Variants in PCSK5 observed in about 807,000 individuals in gnomAD.
The protein encoded by PCSK5 is proprotein convertase subtilisin/kexin type 5.
PCSK5 carries 129 observed loss-of-function variants against 233.2 expected under a neutral mutation model. The ratio of observed to expected loss-of-function variants is 0.55; its 90% CI spans 0.48 to 0.64. The LOEUF is 0.64. Ranked by LOEUF, PCSK5 falls within the 30% of genes least tolerant of loss-of-function variation. The pLI is 0.00. For synonymous variants in PCSK5, 825 were observed against 879.2 expected, an observed-to-expected ratio of 0.94 and a Z score of 1.09; for missense variants, 2,076 against 2,430.1, an observed-to-expected ratio of 0.85 and a Z score of 3.06.
chr9:75,903,611 T>TTTA (rs1564071396), intron 1 of PCSK5, among the ~76,000 whole-genome samples: 8 of 139,826 alleles, frequency 5.7e-5, no homozygotes, highest in Non-Finnish European at 1.2e-4. Context: ...TATATATATA[T>TTTA]TATATATATA....
chr9:75,928,592 AATACATATATATATATATATATATATAT>A (rs1040650733), intron 1 of PCSK5, among the ~76,000 whole-genome samples: 1,147 of 75,292 alleles, frequency 0.015, 33 homozygotes, highest in African/African-American at 0.049. Flanking sequence ...TTTACATATA[AATACATATATATATATATATATATATAT>A]ATATATATAT....
chr9:76,322,109 C>T (rs551481744), intron 31 of PCSK5, among the ~76,000 whole-genome samples: 4 of 152,132 alleles, frequency 2.6e-5, no homozygotes, highest in South Asian at 2.1e-4. Context: ...TCCACCACGC[C>T]GGGCTAATTT....
Position 76,315,106 on chromosome 9 carries a change from C to T in PCSK5, c.3884+4255C>T, listed in dbSNP as rs1416880818. ...TATCTGGGATTACATGCATCCATCA[C>T]CACGCCCAGCTAATTTTTTGTATTT... On this transcript the variant is annotated intron_variant, in intron 30 of 37. Coordinates refer to ENST00000674117, the MANE Select transcript of PCSK5 (RefSeq NM_001372043.1). Among the ~76,000 whole-genome samples, 8 of 152,104 alleles carry T rather than the reference C, an allele frequency of 5.3e-5. No individual in the cohort carries two copies. In the South Asian group the frequency reaches 1.2e-3, roughly 24 times the overall value.
chr9:75,890,572 C>G (rs1468655362), upstream of PCSK5: 2 of 152,136 alleles, frequency 1.3e-5, no homozygotes, highest in African/African-American at 2.4e-5. Flanking sequence ...CGGCCGCTTT[C>G]AAGAGGGCGG....
intron 10 of PCSK5, 91 bp downstream of exon 10, chr9:76,134,303 G>C: frequency 1.4e-6 from 1 of 710,628 alleles, no homozygotes; most frequent in Non-Finnish European, 2.3e-6. Context: ...CCCCTCAAAC[G>C]AAACTTTAAA....
At chr9:75,936,956 G>A (rs114661292) in intron 2 of PCSK5, among the ~76,000 whole-genome samples, 185 of 145,456 alleles carry the variant, frequency 1.3e-3, no homozygotes, top group African/African-American at 4.5e-3. Flanking sequence ...TGTCGTGTTA[G>A]CAGGCATGAG....
chr9:76,190,953 T>TAACA (rs534701061), intron 20 of PCSK5, among the ~76,000 whole-genome samples: 79 of 152,320 alleles, frequency 5.2e-4, no homozygotes, highest in African/African-American at 1.8e-3. Flanking sequence ...CAATTCTCCC[T>TAACA]AACAATTTAG....
At chr9:75,927,005 C>T (rs946529490) in intron 1 of PCSK5, among the ~76,000 whole-genome samples, 1 of 152,036 alleles carries the variant, frequency 6.6e-6, no homozygotes, top group Admixed American at 6.6e-5. Flanking sequence ...ATGCCTAGAT[C>T]GTGAGGAGAG....
chr9:76,008,935 A>C (rs1411897254), intron 3 of PCSK5, among the ~76,000 whole-genome samples: 3 of 152,238 alleles, frequency 2.0e-5, no homozygotes, highest in Non-Finnish European at 4.4e-5. Context: ...ATAAGCAATG[A>C]ATAACTTTTT....
intron 5 of PCSK5, among the ~76,000 whole-genome samples, chr9:76,036,021 C>T (rs1295899281): frequency 6.6e-6 from 1 of 151,424 alleles, no homozygotes; most frequent in Non-Finnish European, 1.5e-5. Flanking sequence ...GAAGAGCATG[C>T]TGAAAAAAAT....
At chr9:76,208,781 AT>A (rs1564109207) in intron 20 of PCSK5, among the ~76,000 whole-genome samples, 3 of 152,190 alleles carry the variant, frequency 2.0e-5, no homozygotes, top group African/African-American at 4.8e-5. Flanking sequence ...CTCATGCGGT[AT>A]TTTTTTTCCA....
chr9:76,049,349 G>A (rs1337425813), intron 5 of PCSK5, among the ~76,000 whole-genome samples: 1 of 152,164 alleles, frequency 6.6e-6, no homozygotes, highest in Non-Finnish European at 1.5e-5. Flanking sequence ...TTGAAGGGAA[G>A]CATTCTTTAA....
chr9:75,963,846 T>G (rs1489699155), intron 2 of PCSK5, among the ~76,000 whole-genome samples: 1 of 152,148 alleles, frequency 6.6e-6, no homozygotes, highest in Non-Finnish European at 1.5e-5. Context: ...GCCATTGCAC[T>G]CCAGCCTGGG....
At chr9:76,039,764 T>G (rs1002220780) in intron 5 of PCSK5, among the ~76,000 whole-genome samples, 2 of 152,208 alleles carry the variant, frequency 1.3e-5, no homozygotes, top group African/African-American at 4.8e-5. Flanking sequence ...GCTTGGTATA[T>G]GATTTGGGTG....
rs529414955 is a variant in PCSK5 at position 76,075,947 on chromosome 9, A to G, written c.894+4049A>G. ...AAAGTTCCTACATTCTAGCAACAAA[A>G]CAGGAAACAAGGATAGAAATAATCA... is the stretch of plus-strand genomic sequence containing the variant. On this transcript the variant is annotated intron_variant, in intron 7 of 37. Coordinates refer to ENST00000674117, the MANE Select transcript of PCSK5 (RefSeq NM_001372043.1). Among the ~76,000 whole-genome samples the G allele has an allele frequency of 1.1e-3, 166 of 152,308 alleles. 1 individual carries two copies. The highest frequency in any genetic ancestry group is 3.1e-3 in the African/African-American group (129 of 41,566).
intron 2 of PCSK5, among the ~76,000 whole-genome samples, chr9:75,981,968 A>T (rs4467999): frequency 6.6e-6 from 1 of 152,036 alleles, no homozygotes; most frequent in Non-Finnish European, 1.5e-5. Context: ...AGTAGAAGGC[A>T]TCCCTCTTAT....
chr9:76,203,504 G>T (rs1437904603), intron 20 of PCSK5, among the ~76,000 whole-genome samples: 2 of 151,674 alleles, frequency 1.3e-5, no homozygotes, highest in Non-Finnish European at 2.9e-5. Context: ...AAGGCAGAAG[G>T]GGAAGTTAGA....
chr9:76,287,207 T>G (rs894752318), intron 24 of PCSK5: 1 of 216,604 alleles, frequency 4.6e-6, no homozygotes, highest in African/African-American at 2.3e-5. Context: ...TGTGGACCTG[T>G]AGGCTTCTCA....
chr9:76,212,141 T>C (rs949402668), intron 20 of PCSK5, among the ~76,000 whole-genome samples: 1 of 152,176 alleles, frequency 6.6e-6, no homozygotes, highest in Non-Finnish European at 1.5e-5. Flanking sequence ...GTGCAACTCT[T>C]CCGCCAGACA....
Sources: gnomAD v4.1 joint callset for allele counts (sites outside exome capture counted in the v4.1 genomes callset) on GRCh38, gnomAD v4.1.1 for gene constraint, MANE v1.5 for transcripts, NCBI Gene and HGNC (gene_info 2026-07-23, HGNC 2026-07-21) for gene names.